Variants in TNR observed in about 807,000 individuals in gnomAD.
TNR encodes tenascin R.
Under a neutral mutation model 150.4 loss-of-function variants are expected in TNR, and 45 were observed. The ratio of observed to expected loss-of-function variants is 0.30; its 90% CI spans 0.24 to 0.38. The LOEUF (loss-of-function observed/expected upper bound fraction) is 0.38, where lower values mean the gene tolerates loss of function less well. Ranked by LOEUF, TNR falls within the 10% of genes least tolerant of loss-of-function variation. TNR has a pLI of 1.00. For synonymous variants in TNR, 687 were observed against 678.4 expected (o/e 1.01, Z -0.20); for missense variants, 1,544 against 1,759.1 (o/e 0.88, Z 2.19).
intron 9 of TNR, among the ~76,000 whole-genome samples, chr1:175,376,307 TG>T (rs1380130373): frequency 2.0e-5 from 3 of 152,226 alleles, no homozygotes; most frequent in Non-Finnish European, 2.9e-5. Flanking sequence ...AGTAGTTTGT[TG>T]TCAGAAGCAC....
rs141296042 is a variant in TNR, at chr1:175,341,477, G to A, written c.3383-3798C>T. Among the ~76,000 whole-genome samples, 19 of 152,318 alleles carry A rather than the reference G, an allele frequency of 1.2e-4. No individual in the cohort carries two copies. In the East Asian group the frequency reaches 1.7e-3, roughly 14 times the overall value. On this transcript the variant is annotated intron_variant, in intron 18 of 22. Coordinates refer to ENST00000367674, the MANE Select transcript of TNR (RefSeq NM_003285.3). ...ATTGTGAGATCAACGGGACCATGGCGTTCACCAGAAGAATTGCTCTGAAAT... is the reference window on the plus strand; with the variant it reads ...ATTGTGAGATCAACGGGACCATGGCATTCACCAGAAGAATTGCTCTGAAAT...
chr1:175,600,726 C>A (rs900751620), intron 1 of TNR, among the ~76,000 whole-genome samples: 1 of 152,186 alleles, frequency 6.6e-6, no homozygotes, highest in South Asian at 2.1e-4. Flanking sequence ...GGAAGGAGCT[C>A]ATTTAAAAAA....
chr1:175,422,649 T>C (rs1288400359), intron 2 of TNR, among the ~76,000 whole-genome samples: 2 of 152,178 alleles, frequency 1.3e-5, no homozygotes, highest in African/African-American at 4.8e-5. Context: ...AGCTCCAGGA[T>C]TGTAGGTCTC....
At chr1:175,534,009 TCTGAA>T (rs1660172536) in intron 1 of TNR, among the ~76,000 whole-genome samples, 1 of 152,160 alleles carries the variant, frequency 6.6e-6, no homozygotes, top group Non-Finnish European at 1.5e-5. Flanking sequence ...TGCTTTAAGG[TCTGAA>T]CTGAAGAAGA....
rs368271312 is a variant in TNR, at chr1:175,323,483, G to A, written c.3958-7C>T. The A allele has an allele frequency of 6.8e-5, 110 of 1,613,394 alleles. No homozygotes were observed. The highest frequency in any genetic ancestry group is 4.5e-4 in the Admixed American group (27 of 59,930). The stretch of plus-strand genomic sequence containing the variant: ...AATGGTACCAGTTGATGCCCTGGGC[G>A]TGAGAAAGATAAGCATGTCAGGTCA... On this transcript the variant is annotated splice_polypyrimidine_tract_variant and splice_region_variant and intron_variant, in intron 22 of 22. Transcript: ENST00000367674.
At position 175,365,144 on chromosome 1, in the gene TNR, A is replaced by G; in HGVS notation, c.2453T>C (p.Met818Thr). 1 of 1,614,122 alleles carries G rather than the reference A, an allele frequency of 6.2e-7. No homozygotes were observed. Among genetic ancestry groups the G allele is most frequent in the Non-Finnish European group, 8.5e-7 (1 of 1,180,012 alleles). Residue 818 changes from methionine to threonine, a missense_variant, in exon 12 of 23, where the codon ATG becomes ACG. By Grantham distance (81) the Met-to-Thr change is moderately conservative. Transcript: ENST00000367674. ...YSPRDEEEEM[M>T]EVSLDATKRH... is the part of the protein sequence containing the mutation. The stretch of plus-strand genomic sequence containing the variant: ...CTTGGTGGCATCCAGGGAGACCTCC[A>G]TCATCTCTTCCTCCTCATCCCTGGG...
At chr1:175,580,141 GA>G (rs1378802034) in intron 1 of TNR, among the ~76,000 whole-genome samples, 1 of 152,186 alleles carries the variant, frequency 6.6e-6, no homozygotes, top group Non-Finnish European at 1.5e-5. Flanking sequence ...GCTGATGCAA[GA>G]CAGCTTGACG....
intron 2 of TNR, among the ~76,000 whole-genome samples, chr1:175,430,700 G>A (rs955521890): frequency 8.5e-5 from 13 of 152,170 alleles, no homozygotes; most frequent in African/African-American, 2.4e-4. Flanking sequence ...AATGCTGGCT[G>A]ATACTTCTCC....
intron 2 of TNR, among the ~76,000 whole-genome samples, chr1:175,498,105 AAAAC>A (rs138937834): frequency 0.017 from 2,606 of 152,144 alleles, 49 homozygotes; most frequent in African/African-American, 0.044. Flanking sequence ...AACAAAACAA[AAAAC>A]AAACAAAGAA....
intron 1 of TNR, among the ~76,000 whole-genome samples, chr1:175,708,960 T>G (rs547716922): frequency 6.8e-6 from 1 of 148,126 alleles, no homozygotes; most frequent in African/African-American, 2.6e-5. Context: ...AAATATCTCA[T>G]TATGCACACA....
intron 8 of TNR, among the ~76,000 whole-genome samples, chr1:175,383,914 C>T (rs553261169): frequency 2.0e-5 from 3 of 152,256 alleles, no homozygotes; most frequent in South Asian, 4.1e-4. Flanking sequence ...AGAAGTCAGC[C>T]GCCTGACAGC....
intron 2 of TNR, among the ~76,000 whole-genome samples, chr1:175,473,709 CT>C (rs1367048567): frequency 6.6e-6 from 1 of 152,194 alleles, no homozygotes; most frequent in East Asian, 1.9e-4. Flanking sequence ...AGGGATAAGG[CT>C]GAAGCACTTT....
At chr1:175,540,319 C>T (rs1660453091) in intron 1 of TNR, among the ~76,000 whole-genome samples, 3 of 152,196 alleles carry the variant, frequency 2.0e-5, no homozygotes, top group African/African-American at 7.2e-5. Context: ...CCAGAGAATC[C>T]TTCAGCTCCA....
At chr1:175,677,277 T>C (rs548238079) in intron 1 of TNR, among the ~76,000 whole-genome samples, 1 of 152,318 alleles carries the variant, frequency 6.6e-6, no homozygotes, top group South Asian at 2.1e-4. Flanking sequence ...TTCCTGGGTG[T>C]CTTCTTCTAC....
intron 1 of TNR, among the ~76,000 whole-genome samples, chr1:175,715,923 C>T (rs1415818005): frequency 2.0e-5 from 3 of 152,190 alleles, no homozygotes; most frequent in Non-Finnish European, 4.4e-5. Context: ...TGCCCTACTT[C>T]CTGCACACAC....
At chr1:175,460,069 G>T (rs2102104041) in intron 2 of TNR, among the ~76,000 whole-genome samples, 1 of 152,260 alleles carries the variant, frequency 6.6e-6, no homozygotes, top group Non-Finnish European at 1.5e-5. Flanking sequence ...TGAAAAGCAA[G>T]GCAGACTGCT....
chr1:175,648,528 A>G (rs947588192), intron 1 of TNR, among the ~76,000 whole-genome samples: 1 of 151,988 alleles, frequency 6.6e-6, no homozygotes. Context: ...AGTTCTCACC[A>G]TTTCAGATTG....
At chr1:175,373,214 G>C (rs561396562) in intron 9 of TNR, among the ~76,000 whole-genome samples, 1 of 152,140 alleles carries the variant, frequency 6.6e-6, no homozygotes, top group Non-Finnish European at 1.5e-5. Context: ...AAAGGAAACA[G>C]GGCATGCAAA....
chr1:175,446,441 C>T (rs908609825), intron 2 of TNR, among the ~76,000 whole-genome samples: 2 of 152,082 alleles, frequency 1.3e-5, no homozygotes, highest in Admixed American at 6.6e-5. Flanking sequence ...ATAAGGGTTG[C>T]CTTGTAGTTA....
Sources: gnomAD v4.1 joint callset for allele counts (sites outside exome capture counted in the v4.1 genomes callset) on GRCh38, gnomAD v4.1.1 for gene constraint, MANE v1.5 for transcripts, NCBI Gene and HGNC (gene_info 2026-07-23, HGNC 2026-07-21) for gene names.